Variants in CDH13 observed in about 807,000 individuals in gnomAD.
CDH13 encodes cadherin 13.
In CDH13, 24 loss-of-function variants were observed where a neutral mutation model predicts 63.8. The observed-to-expected ratio is 0.38, with a 90% confidence interval of 0.27 to 0.53. CDH13 has a LOEUF of 0.53. CDH13 is among the 20% of genes least tolerant of loss of function. CDH13 has a pLI of 0.85. For synonymous variants in CDH13, 503 were observed against 355.3 expected (o/e 1.42, Z -4.67); for missense variants, 1,049 against 903.1 (o/e 1.16, Z -2.07).
chr16:83,420,311 T>A lies in CDH13; in HGVS notation c.782-66166T>A, dbSNP rs114699512. Among the ~76,000 whole-genome samples, 1,423 of 152,290 alleles carry A rather than the reference T, an allele frequency of 9.3e-3. 23 individuals are homozygous for A. Among genetic ancestry groups the A allele is most frequent in the African/African-American group, 0.032 (1,345 of 41,546 alleles). Reference sequence around the variant, plus strand: ...TCAGTGAAAATTGGAGCAGGAGGTCTGGCTAGACACAAATTTGGGAGATTC... The same window carrying A: ...TCAGTGAAAATTGGAGCAGGAGGTCAGGCTAGACACAAATTTGGGAGATTC... On this transcript the variant is annotated intron_variant, in intron 6 of 13. Transcript: ENST00000567109.
chr16:83,204,436 T>C (rs2039122422), intron 4 of CDH13, among the ~76,000 whole-genome samples: 1 of 152,228 alleles, frequency 6.6e-6, no homozygotes, highest in Non-Finnish European at 1.5e-5. Context: ...GCTGTCATTG[T>C]CATCATCACC....
intron 5 of CDH13, among the ~76,000 whole-genome samples, chr16:83,269,966 A>G (rs1302550310): frequency 1.3e-5 from 2 of 152,342 alleles, no homozygotes; most frequent in South Asian, 2.1e-4. Flanking sequence ...AAATGGTTCT[A>G]TTATTTTGAA....
intron 1 of CDH13, among the ~76,000 whole-genome samples, chr16:82,772,282 A>G (rs939865869): frequency 1.3e-5 from 2 of 152,120 alleles, no homozygotes; most frequent in African/African-American, 4.8e-5. Context: ...ATACTACCGG[A>G]GCTGCTGGCC....
intron 6 of CDH13, among the ~76,000 whole-genome samples, chr16:83,359,583 G>T (rs1027300957): frequency 6.6e-6 from 1 of 152,088 alleles, no homozygotes; most frequent in Admixed American, 6.6e-5. Flanking sequence ...CTACTGAATT[G>T]GTGATAATCT....
At chr16:83,197,968 G>A (rs150236360) in intron 4 of CDH13, among the ~76,000 whole-genome samples, 2 of 152,064 alleles carry the variant, frequency 1.3e-5, no homozygotes, top group East Asian at 3.9e-4. Flanking sequence ...TTTTGCAAAT[G>A]CATGTGCATC....
chr16:83,595,674 C>T (rs2150742193), intron 7 of CDH13, among the ~76,000 whole-genome samples: 1 of 152,272 alleles, frequency 6.6e-6, no homozygotes, highest in Middle Eastern at 3.4e-3. Context: ...GTTTAAGAAC[C>T]ACACCAAGTA....
At chr16:83,024,260 T>G (rs993513358) in intron 2 of CDH13, among the ~76,000 whole-genome samples, 1 of 152,208 alleles carries the variant, frequency 6.6e-6, no homozygotes, top group African/African-American at 2.4e-5. Context: ...TCTTTTGAAT[T>G]TGGCTCTTTA....
At chr16:82,889,864 G>A (rs1203415384) in intron 2 of CDH13, among the ~76,000 whole-genome samples, 2 of 152,224 alleles carry the variant, frequency 1.3e-5, no homozygotes, top group African/African-American at 2.4e-5. Flanking sequence ...TTTTCGAGTG[G>A]GAAGACTATT....
chr16:83,201,067 G>A (rs2039015999), intron 4 of CDH13, among the ~76,000 whole-genome samples: 1 of 152,074 alleles, frequency 6.6e-6, no homozygotes, highest in Middle Eastern at 3.4e-3. Flanking sequence ...AGCAGAACTG[G>A]TCCTTACCAG....
At chr16:83,601,483 A>T (rs891198900) in intron 7 of CDH13, among the ~76,000 whole-genome samples, 3 of 152,236 alleles carry the variant, frequency 2.0e-5, no homozygotes, top group African/African-American at 7.2e-5. Flanking sequence ...TATTGGATTA[A>T]ATGCGTCTTC....
intron 13 of CDH13, among the ~76,000 whole-genome samples, chr16:83,784,902 C>G (rs977826255): frequency 7.9e-5 from 12 of 152,222 alleles, no homozygotes; most frequent in Non-Finnish European, 1.6e-4. Flanking sequence ...ACTAATGTCA[C>G]TTAACCTCGA....
chr16:83,107,129 G>A (rs537552501), intron 3 of CDH13, among the ~76,000 whole-genome samples: 2 of 152,196 alleles, frequency 1.3e-5, no homozygotes, highest in Non-Finnish European at 2.9e-5. Context: ...ATTTCACTGA[G>A]AAGAGTTTCC....
At chr16:83,740,255 A>G (rs184164716) in intron 10 of CDH13, among the ~76,000 whole-genome samples, 5 of 152,112 alleles carry the variant, frequency 3.3e-5, no homozygotes, top group Admixed American at 2.6e-4. Flanking sequence ...ATTTTATTCT[A>G]TACCCCATGG....
At chr16:83,049,199 C>G (rs763654030) in intron 3 of CDH13, among the ~76,000 whole-genome samples, 1 of 151,952 alleles carries the variant, frequency 6.6e-6, no homozygotes, top group Admixed American at 6.6e-5. Flanking sequence ...GTTCTGTTAA[C>G]CCAAAAGGAA....
At chr16:82,767,012 T>G (rs2035081098) in intron 1 of CDH13, among the ~76,000 whole-genome samples, 1 of 152,218 alleles carries the variant, frequency 6.6e-6, no homozygotes, top group South Asian at 2.1e-4. Context: ...TCTGTGTGTC[T>G]CCCGTCCATC....
intron 1 of CDH13, among the ~76,000 whole-genome samples, chr16:82,782,564 A>AAT (rs1555515553): frequency 0.019 from 2,840 of 151,178 alleles, 90 homozygotes; most frequent in African/African-American, 0.064. Context: ...AAAAAAAAAA[A>AAT]AATAATAATA....
At chr16:83,462,987 C>A (rs1455314983) in intron 6 of CDH13, among the ~76,000 whole-genome samples, 1 of 152,076 alleles carries the variant, frequency 6.6e-6, no homozygotes, top group Non-Finnish European at 1.5e-5. Flanking sequence ...GATCACCCAA[C>A]AGACAATGGT....
intron 2 of CDH13, among the ~76,000 whole-genome samples, chr16:82,877,664 A>G (rs1378676835): frequency 1.3e-5 from 2 of 152,156 alleles, no homozygotes; most frequent in African/African-American, 2.4e-5. Context: ...TCAAGTCTTT[A>G]TGATGTGAAA....
At chr16:83,737,170 C>T (rs1282165546) in intron 10 of CDH13, among the ~76,000 whole-genome samples, 1 of 152,176 alleles carries the variant, frequency 6.6e-6, no homozygotes, top group Non-Finnish European at 1.5e-5. Flanking sequence ...TTCCTGCCCA[C>T]TATTGAAAGT....
Sources: allele counts gnomAD v4.1 joint callset (sites outside exome capture counted in the v4.1 genomes callset), GRCh38; gene constraint gnomAD v4.1.1; transcripts MANE v1.5; gene names NCBI Gene and HGNC (gene_info 2026-07-23, HGNC 2026-07-21).